Variants in CLPB observed in about 807,000 individuals in gnomAD.
The protein encoded by CLPB is mitochondrial disaggregase.
CLPB carries 40 observed loss-of-function variants against 78.4 expected under a neutral mutation model. That is an observed-to-expected ratio of 0.51 (90% confidence interval 0.40 to 0.66). CLPB has a LOEUF of 0.66. Among genes scored for constraint, CLPB ranks in the 30% least tolerant of loss-of-function variants. The pLI, the probability that CLPB is intolerant of heterozygous loss-of-function variation, is 0.00. For missense variants in CLPB, 780 were observed against 886.9 expected, an observed-to-expected ratio of 0.88 and a Z score of 1.53; for synonymous variants, 333 against 348.0, an observed-to-expected ratio of 0.96 and a Z score of 0.48.
chr11:72,335,478 G>A (rs1950303462), intron 5 of CLPB, among the ~76,000 whole-genome samples: 1 of 152,150 alleles, frequency 6.6e-6, no homozygotes, highest in South Asian at 2.1e-4. Flanking sequence ...TTAACTGAGG[G>A]CAGATTTTTC....
chr11:72,295,958 T>G (rs766235401), intron 11 of CLPB, among the ~76,000 whole-genome samples: 1 of 152,222 alleles, frequency 6.6e-6, no homozygotes, highest in Non-Finnish European at 1.5e-5. Context: ...AGTTAGCCAT[T>G]CATTTGTGCA....
chr11:72,351,786 G>A (rs1950617853), intron 5 of CLPB, among the ~76,000 whole-genome samples: 1 of 151,992 alleles, frequency 6.6e-6, no homozygotes, highest in African/African-American at 2.4e-5. Context: ...TGGCCAGGCT[G>A]GTCTTGAACT....
chr11:72,372,211 G>A (rs886885060), intron 4 of CLPB, among the ~76,000 whole-genome samples: 1 of 152,170 alleles, frequency 6.6e-6, no homozygotes, highest in Non-Finnish European at 1.5e-5. Context: ...GCTACCAGAG[G>A]AAAGCATTTG....
chr11:72,426,615 G>A (rs760055640), intron 2 of CLPB, among the ~76,000 whole-genome samples: 2 of 152,170 alleles, frequency 1.3e-5, no homozygotes, highest in Non-Finnish European at 2.9e-5. Flanking sequence ...TAGCCAAGGG[G>A]AGTGTGAAAG....
chr11:72,310,966 G>A (rs968416027), intron 7 of CLPB: 1 of 152,112 alleles, frequency 6.6e-6, no homozygotes, highest in Admixed American at 6.6e-5. Flanking sequence ...TCTTTATAAT[G>A]CCAGGCAGAC....
intron 2 of CLPB, among the ~76,000 whole-genome samples, chr11:72,422,140 G>A (rs1428083480): frequency 2.0e-5 from 3 of 152,084 alleles, no homozygotes; most frequent in South Asian, 2.1e-4. Context: ...GGTGGCGGGC[G>A]CCTGTAGTCC....
At chr11:72,301,453 A>G (rs1035908461) in intron 11 of CLPB, among the ~76,000 whole-genome samples, 1 of 152,184 alleles carries the variant, frequency 6.6e-6, no homozygotes, top group African/African-American at 2.4e-5. Flanking sequence ...TCTGATGCCT[A>G]GAGATGGGCA....
At chr11:72,362,730 T>C (rs901995011) in intron 4 of CLPB, among the ~76,000 whole-genome samples, 8 of 152,214 alleles carry the variant, frequency 5.3e-5, no homozygotes, top group African/African-American at 1.9e-4. Flanking sequence ...GTACAGTGCC[T>C]AGCATATAGT....
intron 4 of CLPB, among the ~76,000 whole-genome samples, chr11:72,378,311 T>C (rs1359358936): frequency 6.6e-6 from 1 of 152,166 alleles, no homozygotes. Context: ...AAGACATACC[T>C]GAAACTGGGA....
At position 72,403,032 on chromosome 11, in the gene CLPB, T is replaced by A. The variant is rs753217777; in HGVS notation, c.476A>T (p.Asp159Val). 4 of 1,613,500 alleles carry A rather than the reference T, an allele frequency of 2.5e-6. No individual in the cohort carries two copies. The highest frequency in any genetic ancestry group is 3.4e-6 in the Non-Finnish European group (4 of 1,180,002). Residue 159 changes from aspartate (D) to valine (V), a missense_variant, in exon 3 of 16, where the codon GAT becomes GTT. This residue lies in a region of CLPB where 417 missense variants were observed against 414.7 expected (regional missense o/e 1.01). Coordinates refer to ENST00000538039, the MANE Select transcript of CLPB (RefSeq NM_001258392.3). ...GCCAAGTCTGTGCTTTGCATTGACA[T>A]CTGCACCTTCTGACAACAGCCTAAA... is the stretch of plus-strand genomic sequence containing the variant. ...EVSRLLSEGA[D>V]VNAKHRLGWT...
At chr11:72,345,340 A>G (rs991031920) in intron 5 of CLPB, among the ~76,000 whole-genome samples, 3 of 152,260 alleles carry the variant, frequency 2.0e-5, no homozygotes, top group African/African-American at 7.2e-5. Flanking sequence ...GCTATTAAAA[A>G]TGAGGAATAT....
chr11:72,426,539 C>CAGGAAGGGAGGG (rs1433303545), intron 2 of CLPB, among the ~76,000 whole-genome samples: 3 of 146,228 alleles, frequency 2.1e-5, no homozygotes, highest in Admixed American at 1.4e-4. Context: ...GGATGTCACA[C>CAGGAAGGGAGGG]AGGAAGGGAG....
intron 5 of CLPB, among the ~76,000 whole-genome samples, chr11:72,350,388 G>A (rs1950593385): frequency 6.6e-6 from 1 of 152,068 alleles, no homozygotes; most frequent in East Asian, 1.9e-4. Context: ...ATATGCTCAG[G>A]GAAGACTTCC....
intron 6 of CLPB, among the ~76,000 whole-genome samples, 197 bp downstream of exon 6, chr11:72,329,510 G>C (rs1950184758): frequency 6.6e-6 from 1 of 152,204 alleles, no homozygotes; most frequent in Admixed American, 6.5e-5. Flanking sequence ...TCCTATTCTT[G>C]ATGAGACTGG....
At chr11:72,301,683 C>T (rs1303035970) in intron 11 of CLPB, 120 bp downstream of exon 11, 9 of 1,094,952 alleles carry the variant, frequency 8.2e-6, no homozygotes, top group South Asian at 1.5e-5. Flanking sequence ...TGAATGTACA[C>T]ATGCGGGAGC....
At chr11:72,394,742 A>G (rs1369636559) in intron 3 of CLPB, among the ~76,000 whole-genome samples, 1 of 152,200 alleles carries the variant, frequency 6.6e-6, no homozygotes, top group East Asian at 1.9e-4. Context: ...CGGCCATAGC[A>G]GTAGGGGTGG....
At chr11:72,308,486 C>T in intron 8 of CLPB, 41 bp downstream of exon 8, 2 of 1,583,014 alleles carry the variant, frequency 1.3e-6, no homozygotes, top group Non-Finnish European at 1.7e-6. Flanking sequence ...CGGGCACTAC[C>T]CTAGCTCTCT....
intron 6 of CLPB, among the ~76,000 whole-genome samples, chr11:72,323,724 C>T (rs1280996366): frequency 6.6e-6 from 1 of 152,086 alleles, no homozygotes; most frequent in Non-Finnish European, 1.5e-5. Context: ...CCGAATGCAA[C>T]TTGGATTTTG....
In CLPB at chr11:72,329,797, G is replaced by T; in HGVS notation, c.783C>A (p.Asn261Lys). 1.2e-6 allele frequency: 2 copies of T among 1,613,234 alleles called. No homozygotes were observed. Among genetic ancestry groups the T allele is most frequent in the Non-Finnish European group, 1.7e-6 (2 of 1,179,430 alleles). The change falls in exon 6 of 16, where the codon AAC (asparagine) becomes AAA (lysine). Residue 261 changes from asparagine to lysine, a missense_variant. Around this residue, in one of 3 missense-constraint regions of CLPB, gnomAD observed 417 missense variants for 414.7 expected, o/e 1.01. Transcript: ENST00000538039. ...GTCCCATTTCATTCCTCTGCAGGGG[G>T]TTGGCTCCTGGCAAGAGAAGAAGGA... ...TVKELLDGGA[N>K]PLQRNEMGHT...
Sources: allele counts gnomAD v4.1 joint callset (sites outside exome capture counted in the v4.1 genomes callset), GRCh38; gene constraint gnomAD v4.1.1; regional missense constraint gnomAD v4.1.1; transcripts MANE v1.5; gene names NCBI Gene and HGNC (gene_info 2026-07-23, HGNC 2026-07-21).